Variants in SKIL observed in about 807,000 individuals in gnomAD.
SKIL encodes the protein ski-like protein.
A neutral mutation model predicts 69.6 loss-of-function variants in SKIL; 20 were observed. The ratio of observed to expected loss-of-function variants is 0.29; its 90% CI spans 0.20 to 0.42. SKIL has a LOEUF of 0.42. Ranked by LOEUF, SKIL falls within the 10% of genes least tolerant of loss-of-function variation. SKIL has a pLI of 1.00. For missense variants in SKIL, 745 were observed against 783.1 expected (o/e 0.95, Z 0.58); for synonymous variants, 310 against 279.9 (o/e 1.11, Z -1.08).
chr3:170,377,984 C>T (rs1222370737), intron 2 of SKIL, among the ~76,000 whole-genome samples: 2 of 150,934 alleles, frequency 1.3e-5, no homozygotes, highest in African/African-American at 4.9e-5. Context: ...ATCTCCACCT[C>T]CCAGGTTCAA....
chr3:170,364,188 G>A (rs1018867306), intron 2 of SKIL, among the ~76,000 whole-genome samples: 1 of 152,030 alleles, frequency 6.6e-6, no homozygotes, highest in African/African-American at 2.4e-5. Flanking sequence ...CCTGAGCTCA[G>A]GCAATGCGCC....
chr3:170,391,365 T>G, intron 6 of SKIL, 105 bp downstream of exon 6: 1 of 655,406 alleles, frequency 1.5e-6, no homozygotes. Flanking sequence ...TCGCCCAGGC[T>G]GGAGTGCAGT....
intron 4 of SKIL, among the ~76,000 whole-genome samples, chr3:170,385,887 C>T (rs1737601184): frequency 6.6e-6 from 1 of 151,626 alleles, no homozygotes; most frequent in African/African-American, 2.4e-5. Context: ...CCGCAACCTC[C>T]ACCTCCCAGA....
In SKIL at chr3:170,361,931, C is replaced by A. The variant is rs1031049504; in HGVS notation, c.1098+502C>A. Among the ~76,000 whole-genome samples, 6 of 152,224 alleles carry A rather than the reference C, an allele frequency of 3.9e-5. No homozygotes were observed. The East Asian group carries it at 1.2e-3, about 29-fold the overall frequency. Reference sequence around the variant, plus strand: ...CTTTGGCACACATCTTGCTTCTTGACCACTACATCTGTTGTTTTTCTAGGA... The same window carrying A: ...CTTTGGCACACATCTTGCTTCTTGAACACTACATCTGTTGTTTTTCTAGGA... On this transcript the variant is annotated intron_variant, in intron 2 of 6. Transcript: ENST00000259119.
In SKIL at chr3:170,360,225, T is replaced by C; in HGVS notation, c.-107T>C. 9.0e-7 allele frequency: 1 copy of C among 1,113,454 alleles called. No homozygotes were observed. 69.0% of individuals were successfully genotyped at this position (1,113,454 alleles called of 1,614,324 possible). ...GGCTCTCGCTTTGAAAGTTTGAGAG[T>C]AAGTTACGATAGGCATTTGTATCCA... On this transcript the variant is annotated 5_prime_UTR_variant, in exon 2 of 7. Coordinates refer to ENST00000259119, the MANE Select transcript of SKIL (RefSeq NM_005414.5).
chr3:170,387,192 GTAT>G lies in SKIL; in HGVS notation c.1429+2433_1429+2435del, dbSNP rs544497882. Among the ~76,000 whole-genome samples, 8 of 151,878 alleles carry G rather than the reference GTAT, an allele frequency of 5.3e-5. No homozygotes were observed. The South Asian group carries it at 1.7e-3, about 32-fold the overall frequency. ...GTCACCACGCCTGGCTAATTTTTTT[GTAT>G]TATTAGTAAGAGACAGGGTTTTCGC... On this transcript the variant is annotated intron_variant, in intron 4 of 6. Transcript: ENST00000259119.
intron 2 of SKIL, among the ~76,000 whole-genome samples, chr3:170,367,140 G>T (rs770338630): frequency 3.4e-4 from 51 of 152,034 alleles, no homozygotes; most frequent in Admixed American, 1.3e-3. Flanking sequence ...CGAGAGTCTC[G>T]CTCTGTTGAC....
intron 2 of SKIL, among the ~76,000 whole-genome samples, chr3:170,363,301 CT>C (rs1161167571): frequency 6.6e-6 from 1 of 152,096 alleles, no homozygotes; most frequent in Non-Finnish European, 1.5e-5. Context: ...ATTCTGGTGC[CT>C]TTAAGGTTTT....
intron 2 of SKIL, among the ~76,000 whole-genome samples, chr3:170,363,848 T>G (rs779304323): frequency 1.8e-4 from 27 of 152,080 alleles, no homozygotes; most frequent in African/African-American, 6.3e-4. Context: ...TTGCTTACAG[T>G]TGGACTTGTC....
intron 2 of SKIL, among the ~76,000 whole-genome samples, chr3:170,366,672 A>AACAC (rs778933453): frequency 0.023 from 2,567 of 112,354 alleles, 25 homozygotes; most frequent in African/African-American, 0.032. Flanking sequence ...TCTGTCTCAA[A>AACAC]ACACACACAC....
chr3:170,359,195 C>T (rs893084091), intron 1 of SKIL, among the ~76,000 whole-genome samples: 7 of 152,208 alleles, frequency 4.6e-5, no homozygotes, highest in Non-Finnish European at 2.9e-5. Flanking sequence ...TTACGCAACT[C>T]CAAATTGCTT....
At chr3:170,381,558 G>C (rs775695245) in intron 3 of SKIL, among the ~76,000 whole-genome samples, 1 of 151,530 alleles carries the variant, frequency 6.6e-6, no homozygotes, top group Non-Finnish European at 1.5e-5. Flanking sequence ...TCAGCCTCCC[G>C]AGTAGCGGGG....
At chr3:170,389,584 G>A (rs1438981103) in intron 4 of SKIL, among the ~76,000 whole-genome samples, 1 of 152,164 alleles carries the variant, frequency 6.6e-6, no homozygotes, top group Admixed American at 6.5e-5. Flanking sequence ...AAAGTGCTGG[G>A]ATTACAGGCG....
chr3:170,392,503 T>A lies in SKIL; in HGVS notation c.*86T>A, dbSNP rs1252218969. On this transcript the variant is annotated 3_prime_UTR_variant, in exon 7 of 7. Coordinates refer to ENST00000259119, the MANE Select transcript of SKIL (RefSeq NM_005414.5). Reference sequence around the variant, plus strand: ...TTTGGTAATTGAATTCTGAAGAATTTATCTGCATGACGATAACTAGGCATT... The same window carrying A: ...TTTGGTAATTGAATTCTGAAGAATTAATCTGCATGACGATAACTAGGCATT... 2 of 785,434 alleles carry A rather than the reference T, an allele frequency of 2.5e-6. No individual in the cohort carries two copies. The highest frequency in any genetic ancestry group is 4.0e-6 in the Non-Finnish European group (2 of 504,598). 48.7% of individuals were successfully genotyped at this position (785,434 alleles called of 1,614,324 possible).
At chr3:170,372,692 C>A (rs960880809) in intron 2 of SKIL, among the ~76,000 whole-genome samples, 2 of 152,074 alleles carry the variant, frequency 1.3e-5, no homozygotes, top group African/African-American at 4.8e-5. Context: ...CATTTATTGA[C>A]CACTTGAATG....
chr3:170,375,630 G>A (rs1308136703), intron 2 of SKIL, among the ~76,000 whole-genome samples: 1 of 152,126 alleles, frequency 6.6e-6, no homozygotes, highest in Non-Finnish European at 1.5e-5. Context: ...CTGCAGTGCA[G>A]TGGCAGGATC....
At chr3:170,362,261 G>T (rs1484668701) in intron 2 of SKIL, among the ~76,000 whole-genome samples, 1 of 152,144 alleles carries the variant, frequency 6.6e-6, no homozygotes, top group South Asian at 2.1e-4. Flanking sequence ...CCAACACTTT[G>T]GGGGGCTGAA....
Position 170,362,522 on chromosome 3 carries a change from A to C in SKIL, c.1098+1093A>C, listed in dbSNP as rs577084713. Among the ~76,000 whole-genome samples, 17 of 99,348 alleles carry C rather than the reference A, an allele frequency of 1.7e-4. No individual in the cohort carries two copies. In the South Asian group the frequency reaches 5.1e-3, roughly 30 times the overall value. The allele number at this position is 99,348 out of a possible 152,430, so 65.2% of individuals were successfully genotyped here. A position where few individuals can be genotyped will look rare whatever the true frequency, so the allele number is the denominator to read the frequency against. On this transcript the variant is annotated intron_variant, in intron 2 of 6. Transcript: ENST00000259119. ...TCAAAAAACAAAACAAAACAAACAA[A>C]CAACCTATCAACAGGTGGGAGCAAT...
chr3:170,363,101 CAA>C (rs996508033), intron 2 of SKIL, among the ~76,000 whole-genome samples: 40 of 151,462 alleles, frequency 2.6e-4, no homozygotes, highest in African/African-American at 9.8e-4. Flanking sequence ...TAATTCTTAA[CAA>C]GAGGTTGGCT....
Sources: allele counts gnomAD v4.1 joint callset (sites outside exome capture counted in the v4.1 genomes callset), GRCh38; gene constraint gnomAD v4.1.1; transcripts MANE v1.5; gene names NCBI Gene and HGNC (gene_info 2026-07-23, HGNC 2026-07-21).